Variants in FAM204A observed in about 807,000 individuals in gnomAD.
FAM204A encodes protein FAM204A.
Under a neutral mutation model 35.4 loss-of-function variants are expected in FAM204A, and 16 were observed. That is an observed-to-expected ratio of 0.45 (90% CI 0.31 to 0.69). The LOEUF (loss-of-function observed/expected upper bound fraction) is 0.69, where lower values mean the gene tolerates loss of function less well. Among genes scored for constraint, FAM204A ranks in the 30% least tolerant of loss-of-function variants. The probability of loss-of-function intolerance (pLI) is 0.07; values close to 1 mark genes in which losing one functional copy is unlikely to be tolerated. For missense variants in FAM204A, 240 were observed against 265.7 expected (o/e 0.90, Z 0.67); for synonymous variants, 76 against 86.9 (o/e 0.88, Z 0.70).
chr10:118,303,337 A>T lies in FAM204A; in HGVS notation c.*7520T>A, dbSNP rs188444385. The T allele has an allele frequency of 3.3e-5, 5 of 152,350 alleles. No homozygotes were observed. The highest frequency in any genetic ancestry group is 3.9e-4 in the East Asian group (2 of 5,188). 9.4% of individuals were successfully genotyped at this position (152,350 alleles called of 1,614,324 possible). ...AACAATGAATCCTCAAAGTGTTTTT[A>T]AAAAATTTACAGAACAATAACAGTA... is the stretch of plus-strand genomic sequence containing the variant. On this transcript the variant is annotated 3_prime_UTR_variant, in exon 9 of 9. Coordinates refer to ENST00000369183, the MANE Select transcript of FAM204A (RefSeq NM_022063.3).
intron 7 of FAM204A, among the ~76,000 whole-genome samples, chr10:118,324,780 A>C (rs985694843): frequency 3.3e-5 from 5 of 152,116 alleles, no homozygotes; most frequent in Non-Finnish European, 7.4e-5. Context: ...CAGCAATGTA[A>C]ATGCACTTAA....
rs1479825000 is a variant in FAM204A, at chr10:118,306,546, T to C, written c.*4311A>G. ...ACATCTAAAAACATAGCATTCTGCA[T>C]GGCATTTAATAAACTATCTCCCAGA... is the stretch of plus-strand genomic sequence containing the variant. On this transcript the variant is annotated 3_prime_UTR_variant, in exon 9 of 9. Transcript: ENST00000369183. 1 of 152,244 alleles carries C rather than the reference T, an allele frequency of 6.6e-6. No homozygotes were observed. Among genetic ancestry groups the C allele is most frequent in the Non-Finnish European group, 1.5e-5 (1 of 68,044 alleles). 9.4% of individuals were successfully genotyped at this position (152,244 alleles called of 1,614,324 possible). A position where few individuals can be genotyped will look rare whatever the true frequency, so the allele number is the denominator to read the frequency against.
Position 118,303,104 on chromosome 10 carries a change from T to C in FAM204A, c.*7753A>G, listed in dbSNP as rs1429214279. On this transcript the variant is annotated 3_prime_UTR_variant, in exon 9 of 9. Coordinates refer to ENST00000369183, the MANE Select transcript of FAM204A (RefSeq NM_022063.3). ...CTAACGTCAGCCCTTTTATGCTAGATGAATGGCTGTAGAGTTCTCTTAAAC... is the reference window on the plus strand; with the variant it reads ...CTAACGTCAGCCCTTTTATGCTAGACGAATGGCTGTAGAGTTCTCTTAAAC... 6.6e-6 allele frequency: 1 copy of C among 152,188 alleles called. No individual in the cohort carries two copies. The highest frequency in any genetic ancestry group is 1.5e-5 in the Non-Finnish European group (1 of 68,040). The allele number at this position is 152,188 out of a possible 1,614,324, so 9.4% of individuals were successfully genotyped here. A position where few individuals can be genotyped will look rare whatever the true frequency, so the allele number is the denominator to read the frequency against.
In FAM204A at chr10:118,309,223, A is replaced by G. The variant is rs983962161; in HGVS notation, c.*1634T>C. On this transcript the variant is annotated 3_prime_UTR_variant, in exon 9 of 9. Transcript: ENST00000369183. ...GAATTAGTATGACACATAATATTCTAAAACTTTGCTTTCTCTATGCTGGCT... is the reference window on the plus strand; with the variant it reads ...GAATTAGTATGACACATAATATTCTGAAACTTTGCTTTCTCTATGCTGGCT... The G allele has an allele frequency of 6.6e-6, 1 of 152,244 alleles. No individual in the cohort carries two copies. Among genetic ancestry groups the G allele is most frequent in the East Asian group, 1.9e-4 (1 of 5,196 alleles). The allele number at this position is 152,244 out of a possible 1,614,324, so 9.4% of individuals were successfully genotyped here. A position where few individuals can be genotyped will look rare whatever the true frequency, so the allele number is the denominator to read the frequency against.
intron 7 of FAM204A, among the ~76,000 whole-genome samples, chr10:118,320,555 C>T (rs926580941): frequency 2.6e-5 from 4 of 151,890 alleles, no homozygotes; most frequent in South Asian, 2.1e-4. Flanking sequence ...ATTTTATACA[C>T]ATACACACAC....
chr10:118,322,738 A>C (rs538176075), intron 7 of FAM204A, among the ~76,000 whole-genome samples: 1 of 152,260 alleles, frequency 6.6e-6, no homozygotes, highest in Non-Finnish European at 1.5e-5. Flanking sequence ...GGAAAGGTAA[A>C]TAGGAAATCT....
chr10:118,300,170 T>G lies in FAM204A; in HGVS notation c.*10687A>C, dbSNP rs1381896207. 1 of 152,146 alleles carries G rather than the reference T, an allele frequency of 6.6e-6. No homozygotes were observed. The highest frequency in any genetic ancestry group is 1.9e-4 in the East Asian group (1 of 5,176). The allele number at this position is 152,146 out of a possible 1,614,324, so 9.4% of individuals were successfully genotyped here. A position where few individuals can be genotyped will look rare whatever the true frequency, so the allele number is the denominator to read the frequency against. On this transcript the variant is annotated 3_prime_UTR_variant, in exon 9 of 9. Transcript: ENST00000369183. Reference sequence around the variant, plus strand: ...TCAGGTGGTTTCTGAACCACGGAAATTGTGTGCAAAATGCAGTGCTTATGT... The same window carrying G: ...TCAGGTGGTTTCTGAACCACGGAAAGTGTGTGCAAAATGCAGTGCTTATGT...
intron 3 of FAM204A, 95 bp from the exon 4 acceptor site, chr10:118,335,736 C>A: frequency 1.0e-6 from 1 of 964,966 alleles, no homozygotes; most frequent in Non-Finnish European, 1.5e-6. Context: ...TATATTTCAG[C>A]GTGTATAAAG....
At chr10:118,336,791 C>T (rs1846396109) in intron 2 of FAM204A, among the ~76,000 whole-genome samples, 1 of 152,084 alleles carries the variant, frequency 6.6e-6, no homozygotes, top group Non-Finnish European at 1.5e-5. Flanking sequence ...ACATACTTTG[C>T]AAGCAATTTA....
rs1021901457 is a variant in FAM204A, at chr10:118,298,026, C to T, written c.*12831G>A. On this transcript the variant is annotated 3_prime_UTR_variant, in exon 9 of 9. Coordinates refer to ENST00000369183, the MANE Select transcript of FAM204A (RefSeq NM_022063.3). ...ACAGAACAATGACCCAAAAAATTAC[C>T]CAAGATCAGACTAGTGAGTAGAACC... 6.6e-6 allele frequency: 1 copy of T among 152,130 alleles called. No individual in the cohort carries two copies. The highest frequency in any genetic ancestry group is 6.5e-5 in the Admixed American group (1 of 15,282). The allele number at this position is 152,130 out of a possible 1,614,324, so 9.4% of individuals were successfully genotyped here. A position where few individuals can be genotyped will look rare whatever the true frequency, so the allele number is the denominator to read the frequency against.
At chr10:118,337,666 T>C (rs1846410183) in intron 2 of FAM204A, among the ~76,000 whole-genome samples, 1 of 152,190 alleles carries the variant, frequency 6.6e-6, no homozygotes, top group Non-Finnish European at 1.5e-5. Flanking sequence ...ATCTTAACTC[T>C]GACACTACTA....
At chr10:118,328,917 G>A (rs752784291) in intron 6 of FAM204A, among the ~76,000 whole-genome samples, 53 of 152,040 alleles carry the variant, frequency 3.5e-4, no homozygotes, top group Non-Finnish European at 5.6e-4. Flanking sequence ...ACTCTGTCCT[G>A]GAGCTTCAAT....
In FAM204A at chr10:118,336,282, T is replaced by G; in HGVS notation, c.134A>C (p.Glu45Ala). 6.2e-7 allele frequency: 1 copy of G among 1,614,020 alleles called. No individual in the cohort carries two copies. Among genetic ancestry groups the G allele is most frequent in the African/African-American group, 1.3e-5 (1 of 75,038 alleles). ...TTCATCTGTTGAGAAATCTATGATT[T>G]CTGTTTTTCTGATGCTCTCATCCTC... The part of the protein sequence containing the change: ...DKEDESIRKT[E>A]IIDFSTDEPK... The change falls in exon 3 of 9, where the codon GAA (glutamate) becomes GCA (alanine). Residue 45 changes from glutamate (E) to alanine (A), a missense_variant. By Grantham distance (107) the Glu-to-Ala change is moderately radical (BLOSUM62 -1). This residue lies in a region of FAM204A where 232 missense variants were observed against 242.8 expected (regional missense o/e 0.96). Transcript: ENST00000369183.
At chr10:118,315,442 C>T (rs1418327825) in intron 7 of FAM204A, among the ~76,000 whole-genome samples, 1 of 152,056 alleles carries the variant, frequency 6.6e-6, no homozygotes, top group East Asian at 1.9e-4. Flanking sequence ...AGTTTTCCTC[C>T]CTTTTGAACA....
At chr10:118,314,476 T>C (rs966029070) in intron 7 of FAM204A, among the ~76,000 whole-genome samples, 14 of 152,208 alleles carry the variant, frequency 9.2e-5, no homozygotes, top group African/African-American at 3.4e-4. Context: ...TAAGACCTTC[T>C]ATGAAAGAGG....
intron 7 of FAM204A, among the ~76,000 whole-genome samples, chr10:118,320,946 C>T (rs1053480371): frequency 1.3e-5 from 2 of 150,482 alleles, no homozygotes; most frequent in African/African-American, 2.4e-5. Flanking sequence ...TATTCTCAGA[C>T]ATGGTTCTAC....
At chr10:118,322,102 A>T (rs1846127714) in intron 7 of FAM204A, among the ~76,000 whole-genome samples, 1 of 152,134 alleles carries the variant, frequency 6.6e-6, no homozygotes, top group Non-Finnish European at 1.5e-5. Context: ...TCATATTTTA[A>T]AGATCAAAAG....
At chr10:118,340,311 G>A (rs906223891) in intron 2 of FAM204A, among the ~76,000 whole-genome samples, 7 of 152,144 alleles carry the variant, frequency 4.6e-5, no homozygotes, top group African/African-American at 1.7e-4. Context: ...CTGGTTACAG[G>A]GGGAAAAAGT....
rs1282753581 is a variant in FAM204A at position 118,326,206 on chromosome 10, T to A, written c.491A>T (p.Glu164Val). ...LEKRIDQAVEEWNIEKAEELS... is the reference protein window; with the variant it reads ...LEKRIDQAVEVWNIEKAEELS... ...TTCCTCAGCCTTCTCAATATTCCACTCCTCCACAGCCTGGTCTATCCTCTT... is the reference window on the plus strand; with the variant it reads ...TTCCTCAGCCTTCTCAATATTCCACACCTCCACAGCCTGGTCTATCCTCTT... The change falls in exon 7 of 9, where the codon GAG (glutamate) becomes GTG (valine). Residue 164 changes from glutamate (E) to valine (V), a missense_variant. By Grantham distance (121) the Glu-to-Val change is moderately radical (BLOSUM62 -2). Around this residue, in one of 2 missense-constraint regions of FAM204A, gnomAD observed 232 missense variants for 242.8 expected, o/e 0.96. Transcript: ENST00000369183. 1.2e-6 allele frequency: 2 copies of A among 1,613,734 alleles called. No individual in the cohort carries two copies. The highest frequency in any genetic ancestry group is 2.7e-5 in the African/African-American group (2 of 74,876).
Sources: gnomAD v4.1 joint callset for allele counts (sites outside exome capture counted in the v4.1 genomes callset) on GRCh38, gnomAD v4.1.1 for gene constraint, gnomAD v4.1.1 regional missense constraint, MANE v1.5 for transcripts, NCBI Gene and HGNC (gene_info 2026-07-23, HGNC 2026-07-21) for gene names.